Variants in ARFIP1 observed in about 807,000 individuals in gnomAD.
ARFIP1 encodes the protein ARF interacting protein 1.
Under a neutral mutation model 42.5 loss-of-function variants are expected in ARFIP1, and 24 were observed. The ratio of observed to expected loss-of-function variants is 0.57; its 90% CI spans 0.41 to 0.80. The LOEUF (loss-of-function observed/expected upper bound fraction) is 0.80. Ranked by LOEUF, ARFIP1 falls within the 30% of genes least tolerant of loss-of-function variation. The probability of loss-of-function intolerance (pLI) is 0.00; values close to 1 mark genes in which losing one functional copy is unlikely to be tolerated. For synonymous variants in ARFIP1, 141 were observed against 153.7 expected (o/e 0.92, Z 0.61); for missense variants, 354 against 434.0 (o/e 0.82, Z 1.64).
At chr4:152,822,177 A>G (rs1029658669) in intron 1 of ARFIP1, among the ~76,000 whole-genome samples, 4 of 152,134 alleles carry the variant, frequency 2.6e-5, no homozygotes, top group Non-Finnish European at 5.9e-5. Context: ...CAGATAACAC[A>G]TAAGGATTCT....
At chr4:152,796,932 G>T in intron 1 of ARFIP1, 2 of 304,636 alleles carry the variant, frequency 6.6e-6, no homozygotes, top group Admixed American at 5.0e-5. Flanking sequence ...AGCCTTTTAT[G>T]GTGTATGTTG....
At chr4:152,877,653 A>G (rs989650210) in intron 5 of ARFIP1, among the ~76,000 whole-genome samples, 42 of 152,066 alleles carry the variant, frequency 2.8e-4, no homozygotes, top group Admixed American at 1.1e-3. Context: ...GTGGAATGAT[A>G]TGGTTTGGTT....
chr4:152,830,079 T>A (rs1244459636), intron 2 of ARFIP1, among the ~76,000 whole-genome samples: 1 of 152,210 alleles, frequency 6.6e-6, no homozygotes, highest in Non-Finnish European at 1.5e-5. Flanking sequence ...TGTCATTTAG[T>A]ACATAATTTC....
chr4:152,899,800 G>A lies in ARFIP1; in HGVS notation c.967-10264G>A, dbSNP rs191714459. 2.1e-3 allele frequency among the ~76,000 whole-genome samples: 314 copies of A among 152,240 alleles called. 1 individual carries two copies. The highest frequency in any genetic ancestry group is 3.7e-3 in the Non-Finnish European group (253 of 68,016). The stretch of plus-strand genomic sequence containing the variant: ...TGAGTACTATAATCTGTAAATGGAG[G>A]AAAGTTGCTATAAGGATTTTTATAT... On this transcript the variant is annotated intron_variant, in intron 8 of 8. Coordinates refer to ENST00000353617, the MANE Select transcript of ARFIP1 (RefSeq NM_001025595.3).
At chr4:152,798,255 A>G (rs1300525574) in intron 1 of ARFIP1, among the ~76,000 whole-genome samples, 4 of 152,118 alleles carry the variant, frequency 2.6e-5, no homozygotes, top group Non-Finnish European at 5.9e-5. Context: ...AGAGCGAGAC[A>G]CCGTCTCAAA....
At chr4:152,890,337 A>G (rs1736740014) in intron 8 of ARFIP1, among the ~76,000 whole-genome samples, 1 of 152,162 alleles carries the variant, frequency 6.6e-6, no homozygotes, top group South Asian at 2.1e-4. Context: ...TTTCATTTAT[A>G]GAGCCAGGTC....
At chr4:152,800,528 G>A (rs1178555798) in intron 1 of ARFIP1, among the ~76,000 whole-genome samples, 1 of 152,056 alleles carries the variant, frequency 6.6e-6, no homozygotes, top group East Asian at 1.9e-4. Context: ...GCAAGAAATT[G>A]GGGAAACAAG....
chr4:152,826,480 G>T (rs1237925745), intron 1 of ARFIP1, among the ~76,000 whole-genome samples: 2 of 152,054 alleles, frequency 1.3e-5, no homozygotes, highest in Non-Finnish European at 2.9e-5. Context: ...AAGAGGGGAG[G>T]GTGCTGGGGA....
At chr4:152,829,603 T>C (rs753985869) in intron 1 of ARFIP1, 22 bp from the exon 2 acceptor site, 1 of 1,556,272 alleles carries the variant, frequency 6.4e-7, no homozygotes, top group South Asian at 1.2e-5. Flanking sequence ...GTTACGGCGC[T>C]TTTTTTCTTC....
chr4:152,867,638 T>C (rs978934043), intron 3 of ARFIP1, among the ~76,000 whole-genome samples: 2 of 152,318 alleles, frequency 1.3e-5, no homozygotes, highest in South Asian at 4.1e-4. Context: ...CTTAAAGTTA[T>C]TGTATAATGG....
chr4:152,821,157 T>C (rs571015273), intron 1 of ARFIP1, among the ~76,000 whole-genome samples: 4 of 152,110 alleles, frequency 2.6e-5, no homozygotes, highest in Admixed American at 2.6e-4. Context: ...ATCTTTGAAA[T>C]ACCAGATAAA....
intron 5 of ARFIP1, among the ~76,000 whole-genome samples, chr4:152,880,535 C>CAT (rs527997133): frequency 7.9e-5 from 12 of 151,870 alleles, no homozygotes; most frequent in East Asian, 5.8e-4. Context: ...TTCATACACA[C>CAT]ATATATATAT....
At chr4:152,883,030 G>A (rs62319945) in intron 7 of ARFIP1, 150 bp downstream of exon 7, 29,733 of 777,194 alleles carry the variant, frequency 0.038, 864 homozygotes, top group South Asian at 0.098. Context: ...TACAGACCTG[G>A]CAGAAAGGGA....
chr4:152,836,569 CTTAT>C (rs1483652158), intron 2 of ARFIP1, among the ~76,000 whole-genome samples: 1 of 152,008 alleles, frequency 6.6e-6, no homozygotes, highest in Admixed American at 6.6e-5. Flanking sequence ...AACACATTGT[CTTAT>C]TTATTTACTA....
At position 152,911,303 on chromosome 4, in the gene ARFIP1, T is replaced by G. The variant is rs1738829887; in HGVS notation, c.*1084T>G. 1 of 152,648 alleles carries G rather than the reference T, an allele frequency of 6.6e-6. No homozygotes were observed. The highest frequency in any genetic ancestry group is 1.5e-5 in the Non-Finnish European group (1 of 68,036). The allele number at this position is 152,648 out of a possible 1,614,324, so 9.5% of individuals were successfully genotyped here. ...TTGAGGTTTATGGTAAAAATCATCT[T>G]TTGAGTTTGCTCTTTGGTTTTTCTT... On this transcript the variant is annotated 3_prime_UTR_variant, in exon 9 of 9. Transcript: ENST00000353617.
At chr4:152,866,986 G>A (rs1734443506) in intron 3 of ARFIP1, among the ~76,000 whole-genome samples, 1 of 151,404 alleles carries the variant, frequency 6.6e-6, no homozygotes, top group Non-Finnish European at 1.5e-5. Flanking sequence ...ATGGCGGCCG[G>A]GCAGAGACGC....
intron 1 of ARFIP1, among the ~76,000 whole-genome samples, chr4:152,791,466 T>C (rs959393833): frequency 2.0e-5 from 3 of 152,202 alleles, no homozygotes; most frequent in African/African-American, 7.2e-5. Flanking sequence ...AAAATTAATA[T>C]TCAGTTACGA....
intron 3 of ARFIP1, among the ~76,000 whole-genome samples, chr4:152,866,594 A>C (rs1734384661): frequency 2.9e-5 from 4 of 137,020 alleles, no homozygotes; most frequent in African/African-American, 5.7e-5. Context: ...GCGGGGGCTG[A>C]CCCCCACCTC....
At chr4:152,907,767 T>C (rs1738492641) in intron 8 of ARFIP1, among the ~76,000 whole-genome samples, 1 of 152,196 alleles carries the variant, frequency 6.6e-6, no homozygotes, top group Non-Finnish European at 1.5e-5. Flanking sequence ...GAGAGACCAC[T>C]CTATCTGTTC....
Sources: gnomAD v4.1 joint callset for allele counts (sites outside exome capture counted in the v4.1 genomes callset) on GRCh38, gnomAD v4.1.1 for gene constraint, MANE v1.5 for transcripts, NCBI Gene and HGNC (gene_info 2026-07-23, HGNC 2026-07-21) for gene names.